Variants in KLHDC4 observed in about 807,000 individuals in gnomAD.
KLHDC4 encodes the protein kelch domain-containing protein 4.
Under a neutral mutation model 62.4 loss-of-function variants are expected in KLHDC4, and 90 were observed. The observed-to-expected ratio is 1.44, with a 90% CI of 1.22 to 1.72. The LOEUF (loss-of-function observed/expected upper bound fraction) is 1.72, where lower values mean the gene tolerates loss of function less well. Ranked by LOEUF, KLHDC4 falls within the 40% of genes most tolerant of loss-of-function variation. The pLI, the probability that KLHDC4 is intolerant of heterozygous loss-of-function variation, is 0.00. For synonymous variants in KLHDC4, 386 were observed against 284.4 expected (o/e 1.36, Z -3.59); for missense variants, 1,025 against 699.7 (o/e 1.47, Z -5.25).
rs186441926 is a variant in KLHDC4, at chr16:87,765,104, C to T, written c.99+688G>A. 4 of 455,962 alleles carry T rather than the reference C, an allele frequency of 8.8e-6. No homozygotes were observed. In the East Asian group the frequency reaches 2.1e-4, roughly 24 times the overall value. The allele number at this position is 455,962 out of a possible 1,614,324, so 28.2% of individuals were successfully genotyped here. A position where few individuals can be genotyped will look rare whatever the true frequency, so the allele number is the denominator to read the frequency against. On this transcript the variant is annotated intron_variant, in intron 1 of 11. Transcript: ENST00000270583. ...GTAAAGCCCAGGGAGCTGTGCCTGG[C>T]GCACGGCAGGCCATAAAACTGGCCC...
chr16:87,699,206 C>T (rs1042063382), exon 1 of KLHDC4: 1 of 152,304 alleles, frequency 6.6e-6, no homozygotes, highest in African/African-American at 2.4e-5. Flanking sequence ...TTACCAGCCT[C>T]TGCACACTGG....
chr16:87,738,337 G>A (rs986460624), intron 5 of KLHDC4, among the ~76,000 whole-genome samples: 6 of 151,100 alleles, frequency 4.0e-5, no homozygotes, highest in South Asian at 2.1e-4. Flanking sequence ...CAGTGCGTAT[G>A]CCTGCGCACA....
intron 4 of KLHDC4, among the ~76,000 whole-genome samples, chr16:87,753,913 T>TGAGCCG (rs1567814726): frequency 1.4e-5 from 2 of 141,814 alleles, no homozygotes; most frequent in Non-Finnish European, 3.0e-5. Flanking sequence ...GCGGAGGTTG[T>TGAGCCG]AGTGAGATGA....
intron 6 of KLHDC4, among the ~76,000 whole-genome samples, chr16:87,727,877 C>G (rs2039650619): frequency 6.6e-6 from 1 of 152,128 alleles, no homozygotes; most frequent in Non-Finnish European, 1.5e-5. Flanking sequence ...CCAGCACCAG[C>G]TGCCACATCT....
chr16:87,765,471 C>G lies in KLHDC4; in HGVS notation c.99+321G>C, dbSNP rs867565293. ...CCCCTCCCTCTTCTCACCACCCAGC[C>G]TCCCTTCAGAGGGAGGGTGGAGGGA... On this transcript the variant is annotated intron_variant, in intron 1 of 11. Transcript: ENST00000270583. 4 of 505,620 alleles carry G rather than the reference C, an allele frequency of 7.9e-6. 1 individual carries two copies. The highest frequency in any genetic ancestry group is 3.3e-5 in the South Asian group (2 of 60,290). The allele number at this position is 505,620 out of a possible 1,614,324, so 31.3% of individuals were successfully genotyped here.
chr16:87,760,987 C>T (rs922952743), intron 2 of KLHDC4, among the ~76,000 whole-genome samples: 1 of 151,394 alleles, frequency 6.6e-6, no homozygotes, highest in Admixed American at 6.6e-5. Flanking sequence ...GAGCCAAGAT[C>T]ATGCCACTGT....
At chr16:87,708,523 G>A (rs2290017) in intron 10 of KLHDC4, 57 bp from the exon 11 acceptor site, 411,972 of 1,380,406 alleles carry the variant, frequency 0.3, 62,677 homozygotes, top group South Asian at 0.36. Flanking sequence ...AGGTGGGGGA[G>A]GCTGCGGGAC....
At chr16:87,718,346 C>T (rs1597448623) in intron 7 of KLHDC4, among the ~76,000 whole-genome samples, 3 of 89,822 alleles carry the variant, frequency 3.3e-5, no homozygotes. Flanking sequence ...CCTCTCCTCC[C>T]CCTCCCCCTC....
chr16:87,765,451 C>G lies in KLHDC4; in HGVS notation c.99+341G>C, dbSNP rs1050221380. On this transcript the variant is annotated intron_variant, in intron 1 of 11. Coordinates refer to ENST00000270583, the MANE Select transcript of KLHDC4 (RefSeq NM_017566.4). Reference sequence around the variant, plus strand: ...TCAGGTCTTCCTGTGCCAAACCCCTCCCTCTTCTCACCACCCAGCCTCCCT... The same window carrying G: ...TCAGGTCTTCCTGTGCCAAACCCCTGCCTCTTCTCACCACCCAGCCTCCCT... 6.2e-5 allele frequency: 31 copies of G among 499,418 alleles called. No individual in the cohort carries two copies. The East Asian group carries it at 1.6e-3, about 26-fold the overall frequency. The allele number at this position is 499,418 out of a possible 1,614,324, so 30.9% of individuals were successfully genotyped here. A position where few individuals can be genotyped will look rare whatever the true frequency, so the allele number is the denominator to read the frequency against.
intron 9 of KLHDC4, chr16:87,710,381 C>G (rs1235537633): frequency 6.6e-6 from 1 of 152,276 alleles, no homozygotes; most frequent in East Asian, 1.9e-4. Flanking sequence ...CCAGATCAAC[C>G]CAAAGTCAGC....
At chr16:87,762,311 G>C (rs1031479869) in intron 1 of KLHDC4, among the ~76,000 whole-genome samples, 21 of 152,306 alleles carry the variant, frequency 1.4e-4, no homozygotes, top group Non-Finnish European at 8.8e-5. Flanking sequence ...CTTCCACTTA[G>C]ACAAGCCCGT....
At chr16:87,726,962 T>A (rs374381016) in intron 6 of KLHDC4, 38 bp from the exon 7 acceptor site, 3 of 1,605,914 alleles carry the variant, frequency 1.9e-6, no homozygotes, top group African/African-American at 2.7e-5. Context: ...GTCCGTAACA[T>A]TGGGAAAAGC....
At chr16:87,765,224 G>A (rs1458712121) in intron 1 of KLHDC4, 2 of 455,956 alleles carry the variant, frequency 4.4e-6, no homozygotes, top group Non-Finnish European at 8.8e-6. Flanking sequence ...CCAGAGGGAA[G>A]GAGACAACCG....
At chr16:87,730,144 G>C (rs975689587) in intron 6 of KLHDC4, among the ~76,000 whole-genome samples, 11 of 152,140 alleles carry the variant, frequency 7.2e-5, no homozygotes, top group Non-Finnish European at 1.5e-4. Context: ...AGTAGAGACA[G>C]CGTTTCACTA....
chr16:87,743,693 T>G (rs2042590116), intron 5 of KLHDC4, among the ~76,000 whole-genome samples: 1 of 151,158 alleles, frequency 6.6e-6, no homozygotes, highest in Non-Finnish European at 1.5e-5. Flanking sequence ...TGAGCCGAGA[T>G]CAAACCACTG....
chr16:87,761,104 G>A (rs1055009527), intron 2 of KLHDC4, among the ~76,000 whole-genome samples: 8 of 152,262 alleles, frequency 5.3e-5, no homozygotes, highest in East Asian at 1.9e-4. Flanking sequence ...GCAAACTAAA[G>A]GGAAAAAGAA....
At chr16:87,718,201 A>G (rs2037384528) in intron 7 of KLHDC4, among the ~76,000 whole-genome samples, 1 of 152,070 alleles carries the variant, frequency 6.6e-6, no homozygotes, top group Non-Finnish European at 1.5e-5. Flanking sequence ...GTTTTTCTGG[A>G]TCACCTGTGC....
chr16:87,754,188 A>G (rs1042857736), intron 4 of KLHDC4, among the ~76,000 whole-genome samples: 1 of 151,914 alleles, frequency 6.6e-6, no homozygotes, highest in African/African-American at 2.4e-5. Flanking sequence ...TTAGCCACCT[A>G]ATACAATCCC....
At chr16:87,722,040 A>G (rs1019495848) in intron 7 of KLHDC4, among the ~76,000 whole-genome samples, 4 of 152,130 alleles carry the variant, frequency 2.6e-5, no homozygotes, top group Admixed American at 2.6e-4. Flanking sequence ...AGAAGCTCCC[A>G]CGACACCGGA....
Sources: gnomAD v4.1 joint callset for allele counts (sites outside exome capture counted in the v4.1 genomes callset) on GRCh38, gnomAD v4.1.1 for gene constraint, MANE v1.5 for transcripts, NCBI Gene and HGNC (gene_info 2026-07-23, HGNC 2026-07-21) for gene names.